Variants in CFAP47 observed in about 807,000 individuals in gnomAD.
The protein encoded by CFAP47 is cilia- and flagella-associated protein 47.
In CFAP47, 29 loss-of-function variants were observed where a neutral mutation model predicts 148.1. That is an observed-to-expected ratio of 0.20 (90% CI 0.15 to 0.27). The LOEUF (loss-of-function observed/expected upper bound fraction) is 0.27, where lower values mean the gene tolerates loss of function less well. CFAP47 is among the 10% of genes least tolerant of loss of function. CFAP47 has a pLI of 1.00. For missense variants in CFAP47, 1,872 were observed against 1,697.5 expected (o/e 1.10, Z -1.81); for synonymous variants, 664 against 577.3 (o/e 1.15, Z -2.15).
intron 45 of CFAP47, among the ~76,000 whole-genome samples, chrX:36,225,488 C>A (rs1406682298): frequency 9.0e-6 from 1 of 111,300 alleles, no homozygotes; most frequent in Non-Finnish European, 1.9e-5. Context: ...TATGTTTAAA[C>A]ATGTGGATAT....
chrX:36,177,871 C>T (rs1454975108), intron 39 of CFAP47, among the ~76,000 whole-genome samples: 1 of 111,545 alleles, frequency 9.0e-6, no homozygotes, highest in Non-Finnish European at 1.9e-5. Context: ...ACCAGAAATA[C>T]ACATGCACTC....
chrX:35,942,694 A>T lies in CFAP47; in HGVS notation c.517+1296A>T, dbSNP rs1414410138. Among the ~76,000 whole-genome samples, 3 of 111,673 alleles carry T rather than the reference A, an allele frequency of 2.7e-5. No homozygotes were observed. In the East Asian group the frequency reaches 8.4e-4, roughly 31 times the overall value. On this transcript the variant is annotated intron_variant, in intron 3 of 63. Coordinates refer to ENST00000378653, the MANE Select transcript of CFAP47 (RefSeq NM_001304548.2). ...AATAATATATTCCCTTCTTGTTCTA[A>T]AATCTCACCAAATTTTACAGTTTCA...
chrX:36,345,721 T>C (rs1247491119), intron 57 of CFAP47, among the ~76,000 whole-genome samples: 1 of 112,121 alleles, frequency 8.9e-6, no homozygotes, highest in African/African-American at 3.2e-5. Flanking sequence ...TTTATGCTGG[T>C]TTTCTGAGAA....
chrX:36,140,795 A>G (rs1412105993), intron 35 of CFAP47, among the ~76,000 whole-genome samples: 1 of 111,713 alleles, frequency 9.0e-6, no homozygotes, highest in Non-Finnish European at 1.9e-5. Flanking sequence ...TGCTGGGGTA[A>G]TGTTATGTCT....
At position 36,160,463 on chromosome X, in the gene CFAP47, G is replaced by T. The variant is rs774945405; in HGVS notation, c.5938-218G>T. On this transcript the variant is annotated intron_variant, in intron 38 of 63. Transcript: ENST00000378653. Reference sequence around the variant, plus strand: ...TCTTAAGTCACTGGAAAGCAGATTAGATAATAAAAACAAAATAAAATAAAA... The same window carrying T: ...TCTTAAGTCACTGGAAAGCAGATTATATAATAAAAACAAAATAAAATAAAA... Among the ~76,000 whole-genome samples, 459 of 111,172 alleles carry T rather than the reference G, an allele frequency of 4.1e-3. 2 individuals are homozygous for T. Among genetic ancestry groups the T allele is most frequent in the Non-Finnish European group, 6.7e-3 (358 of 53,057 alleles).
chrX:36,093,137 ATTGTCT>A (rs1938214134), intron 30 of CFAP47, among the ~76,000 whole-genome samples: 1 of 111,341 alleles, frequency 9.0e-6, no homozygotes, highest in Non-Finnish European at 1.9e-5. Context: ...GTTGTATGAC[ATTGTCT>A]TTATCTATTC....
intron 57 of CFAP47, among the ~76,000 whole-genome samples, chrX:36,344,259 A>AAG (rs1941678766): frequency 2.1e-5 from 2 of 97,057 alleles, no homozygotes; most frequent in African/African-American, 9.8e-5. Flanking sequence ...GAGAGAAAGA[A>AAG]AAAAAAAAAG....
chrX:35,966,353 A>AGCTGCT (rs1936405745), intron 8 of CFAP47, among the ~76,000 whole-genome samples: 1 of 105,594 alleles, frequency 9.5e-6, no homozygotes, highest in African/African-American at 3.4e-5. Flanking sequence ...AAGAAAAATA[A>AGCTGCT]AAAATTTTAA....
At chrX:36,374,580 G>A (rs1413085520) in intron 62 of CFAP47, among the ~76,000 whole-genome samples, 1 of 109,533 alleles carries the variant, frequency 9.1e-6, no homozygotes, top group African/African-American at 3.3e-5. Flanking sequence ...CTAACTTTGG[G>A]TTTAGTTTGT....
intron 25 of CFAP47, 125 bp downstream of exon 25, chrX:36,039,304 C>A (rs1037799097): frequency 5.6e-5 from 19 of 337,300 alleles, no homozygotes; most frequent in African/African-American, 3.3e-4. Flanking sequence ...AAATATTTAA[C>A]CATACATTAA....
chrX:36,210,057 A>G (rs1264647632), intron 45 of CFAP47, among the ~76,000 whole-genome samples: 3 of 112,119 alleles, frequency 2.7e-5, no homozygotes, highest in South Asian at 3.7e-4. Flanking sequence ...TGATCAAATA[A>G]TATTCCATTT....
At chrX:36,084,437 G>A (rs1938043037) in intron 29 of CFAP47, among the ~76,000 whole-genome samples, 1 of 111,614 alleles carries the variant, frequency 9.0e-6, no homozygotes, top group African/African-American at 3.2e-5. Context: ...ATAAGTGGAA[G>A]AGCCATATTT....
chrX:36,229,961 T>C (rs1489339284), intron 46 of CFAP47, among the ~76,000 whole-genome samples: 4 of 105,796 alleles, frequency 3.8e-5, no homozygotes, highest in Non-Finnish European at 7.8e-5. Context: ...TATGGCTGCA[T>C]AGTATTCCAT....
At chrX:36,040,016 C>A (rs1287804966) in intron 25 of CFAP47, among the ~76,000 whole-genome samples, 3 of 111,660 alleles carry the variant, frequency 2.7e-5, no homozygotes, top group African/African-American at 9.8e-5. Context: ...CATCCATAGC[C>A]TCTATCCAAT....
At position 36,371,405 on chromosome X, in the gene CFAP47, G is replaced by T. The variant is rs149750650; in HGVS notation, c.9185+4278G>T. Among the ~76,000 whole-genome samples, 603 of 108,396 alleles carry T rather than the reference G, an allele frequency of 5.6e-3. 1 individual carries two copies. The highest frequency in any genetic ancestry group is 8.9e-3 in the Non-Finnish European group (465 of 52,103). 94.1% of individuals were successfully genotyped at this position (108,396 alleles called of 115,157 possible). On this transcript the variant is annotated intron_variant, in intron 62 of 63. Coordinates refer to ENST00000378653, the MANE Select transcript of CFAP47 (RefSeq NM_001304548.2). The stretch of plus-strand genomic sequence containing the variant: ...ATCATATTTTGAAATAGTCATTTGG[G>T]ATCATGCTACATAGAAATTATCTTG...
At chrX:35,956,360 C>A (rs1936246094) in intron 8 of CFAP47, among the ~76,000 whole-genome samples, 164 bp downstream of exon 8, 1 of 111,662 alleles carries the variant, frequency 9.0e-6, no homozygotes, top group South Asian at 3.7e-4. Flanking sequence ...CATATAGAAT[C>A]CATAATGATT....
intron 49 of CFAP47, among the ~76,000 whole-genome samples, chrX:36,274,899 T>C (rs892768955): frequency 9.0e-6 from 1 of 111,659 alleles, no homozygotes; most frequent in African/African-American, 3.3e-5. Flanking sequence ...CAGGCATCCT[T>C]GTCTTGTTTC....
In CFAP47 at chrX:36,045,513, T is replaced by A. The variant is rs1937455027; in HGVS notation, c.4008-1341T>A. 2.7e-5 allele frequency among the ~76,000 whole-genome samples: 3 copies of A among 111,411 alleles called. No individual in the cohort carries two copies. The South Asian group carries it at 1.1e-3, about 42-fold the overall frequency. The stretch of plus-strand genomic sequence containing the variant: ...GGGTATTGCTGCTGGTTATTCAGGG[T>A]CCAAGGGGGCTCTTCAGTTAACAGG... On this transcript the variant is annotated intron_variant, in intron 25 of 63. Coordinates refer to ENST00000378653, the MANE Select transcript of CFAP47 (RefSeq NM_001304548.2).
At chrX:35,988,226 C>A (rs145003584) in intron 15 of CFAP47, among the ~76,000 whole-genome samples, 315 of 111,827 alleles carry the variant, frequency 2.8e-3, no homozygotes, top group African/African-American at 9.8e-3. Context: ...AATACCTATC[C>A]TTGGGATTTT....
Sources: gnomAD v4.1 joint callset for allele counts (sites outside exome capture counted in the v4.1 genomes callset) on GRCh38, gnomAD v4.1.1 for gene constraint, MANE v1.5 for transcripts, NCBI Gene and HGNC (gene_info 2026-07-23, HGNC 2026-07-21) for gene names.